EDIL3: variants seen among roughly 807,000 people sequenced by gnomAD.
EDIL3 encodes EGF-like repeat and discoidin I-like domain-containing protein 3.
Under a neutral mutation model 67.4 loss-of-function variants are expected in EDIL3, and 37 were observed. The ratio of observed to expected loss-of-function variants is 0.55; its 90% confidence interval spans 0.42 to 0.72. The LOEUF (loss-of-function observed/expected upper bound fraction) is 0.72. EDIL3 is among the 30% of genes least tolerant of loss of function. The pLI is 0.00. For missense variants in EDIL3, 527 were observed against 586.3 expected (o/e 0.90, Z 1.04); for synonymous variants, 195 against 196.3 (o/e 0.99, Z 0.05).
At chr5:84,141,831 G>T in intron 4 of EDIL3, among the ~76,000 whole-genome samples, 1 of 146,546 alleles carries the variant, frequency 6.8e-6, no homozygotes. Context: ...CTTTGGCTTG[G>T]GTTTTTTCCT....
In EDIL3 at chr5:84,132,501, T is replaced by A. The variant is rs185356744; in HGVS notation, c.469+4740A>T. 7.1e-3 allele frequency among the ~76,000 whole-genome samples: 529 copies of A among 74,576 alleles called. 36 individuals carry two copies. The highest frequency in any genetic ancestry group is 0.027 in the African/African-American group (509 of 18,652). The allele number at this position is 74,576 out of a possible 152,430, so 48.9% of individuals were successfully genotyped here. On this transcript the variant is annotated intron_variant, in intron 5 of 10. Transcript: ENST00000296591. ...ATATTTTAATATATATTATATATTT[T>A]ATATATAATATATATTTTAATATAT...
chr5:83,954,091 AG>A (rs1343449897), intron 10 of EDIL3, among the ~76,000 whole-genome samples: 1 of 151,800 alleles, frequency 6.6e-6, no homozygotes, highest in Non-Finnish European at 1.5e-5. Flanking sequence ...GAAACTGTTA[AG>A]GGGGAGACTT....
At chr5:84,011,139 C>A (rs1002577133) in intron 9 of EDIL3, among the ~76,000 whole-genome samples, 5 of 152,108 alleles carry the variant, frequency 3.3e-5, no homozygotes, top group Non-Finnish European at 7.4e-5. Flanking sequence ...GTTTCCATAT[C>A]CTTCTCTGTT....
intron 9 of EDIL3, among the ~76,000 whole-genome samples, chr5:84,050,982 G>C (rs1746325413): frequency 6.6e-6 from 1 of 152,196 alleles, no homozygotes; most frequent in South Asian, 2.1e-4. Context: ...TCCCAGCATG[G>C]ACTTTGAGAT....
At chr5:84,330,227 C>G (rs899762675) in intron 1 of EDIL3, among the ~76,000 whole-genome samples, 21 of 152,088 alleles carry the variant, frequency 1.4e-4, no homozygotes, top group African/African-American at 5.1e-4. Flanking sequence ...GTTGCTTTCT[C>G]CTTTCAATGT....
chr5:84,009,449 T>C (rs891253764), intron 9 of EDIL3, among the ~76,000 whole-genome samples: 8 of 152,164 alleles, frequency 5.3e-5, no homozygotes, highest in Non-Finnish European at 1.0e-4. Context: ...TGGGACTTAG[T>C]AAGCCTTTGT....
chr5:84,051,248 G>A (rs572848641), intron 9 of EDIL3, among the ~76,000 whole-genome samples: 1 of 152,220 alleles, frequency 6.6e-6, no homozygotes, highest in Non-Finnish European at 1.5e-5. Flanking sequence ...CTGCAGCTGA[G>A]GGTCCTGAAT....
intron 10 of EDIL3, among the ~76,000 whole-genome samples, chr5:83,961,057 A>C (rs1744598267): frequency 6.6e-6 from 1 of 151,120 alleles, no homozygotes. Context: ...TCATAAAAAG[A>C]AAGCTGGAGT....
rs572816278 is a variant in EDIL3, at chr5:84,186,261, A to T, written c.227-5740T>A. On this transcript the variant is annotated intron_variant, in intron 3 of 10. Coordinates refer to ENST00000296591, the MANE Select transcript of EDIL3 (RefSeq NM_005711.5). Reference sequence around the variant, plus strand: ...ATAAGTAATAATAATCACCTAGAGCATATAGTGTTGCTTATACTGGGAGGA... The same window carrying T: ...ATAAGTAATAATAATCACCTAGAGCTTATAGTGTTGCTTATACTGGGAGGA... 5.3e-5 allele frequency among the ~76,000 whole-genome samples: 8 copies of T among 152,240 alleles called. No individual in the cohort carries two copies. In the South Asian group the frequency reaches 1.7e-3, roughly 32 times the overall value.
intron 1 of EDIL3, among the ~76,000 whole-genome samples, chr5:84,344,983 G>A (rs568695472): frequency 1.2e-3 from 181 of 152,174 alleles, no homozygotes; most frequent in African/African-American, 4.2e-3. Context: ...TAAAATTCTT[G>A]TAATTGCTTA....
intron 9 of EDIL3, among the ~76,000 whole-genome samples, chr5:84,038,931 A>C (rs769002776): frequency 3.2e-4 from 48 of 152,344 alleles, no homozygotes; most frequent in Non-Finnish European, 4.7e-4. Context: ...CCTTCCAGGC[A>C]CATGCAGCAT....
intron 4 of EDIL3, among the ~76,000 whole-genome samples, chr5:84,179,341 G>A (rs1748975174): frequency 6.6e-6 from 1 of 152,148 alleles, no homozygotes; most frequent in South Asian, 2.1e-4. Context: ...TTGCTTTGTT[G>A]GTGATCTGAG....
chr5:84,176,947 G>A (rs1748928359), intron 4 of EDIL3, among the ~76,000 whole-genome samples: 2 of 152,050 alleles, frequency 1.3e-5, no homozygotes, highest in South Asian at 4.1e-4. Flanking sequence ...AACACAACGA[G>A]TGCTGGTAAG....
chr5:83,953,825 G>A (rs902301785), intron 10 of EDIL3, among the ~76,000 whole-genome samples: 1 of 151,720 alleles, frequency 6.6e-6, no homozygotes, highest in African/African-American at 2.4e-5. Context: ...TGTAATAAGT[G>A]TCCCCACACG....
At chr5:84,227,481 A>C (rs573822121) in intron 3 of EDIL3, among the ~76,000 whole-genome samples, 3 of 152,250 alleles carry the variant, frequency 2.0e-5, no homozygotes, top group Non-Finnish European at 4.4e-5. Context: ...TGTTGGTGGG[A>C]ATGTAAACTA....
chr5:84,103,610 GA>G (rs1247096646), intron 6 of EDIL3, among the ~76,000 whole-genome samples: 3 of 151,744 alleles, frequency 2.0e-5, no homozygotes, highest in African/African-American at 4.8e-5. Flanking sequence ...ACAATCATAG[GA>G]AAAAAACCCT....
intron 3 of EDIL3, among the ~76,000 whole-genome samples, chr5:84,201,327 G>A (rs1325604151): frequency 1.3e-5 from 2 of 152,048 alleles, no homozygotes; most frequent in Non-Finnish European, 2.9e-5. Context: ...GATGCCTCTA[G>A]TTTAGGATTG....
chr5:84,173,767 G>T (rs759667379), intron 4 of EDIL3, among the ~76,000 whole-genome samples: 1 of 152,186 alleles, frequency 6.6e-6, no homozygotes, highest in Admixed American at 6.5e-5. Context: ...GAGTGTTGCT[G>T]CAAGATAGCC....
chr5:84,043,721 T>A (rs374062014), intron 9 of EDIL3, among the ~76,000 whole-genome samples: 1 of 152,252 alleles, frequency 6.6e-6, no homozygotes, highest in African/African-American at 2.4e-5. Context: ...TTTATACAAA[T>A]AATATGTACA....
Sources: allele counts gnomAD v4.1 joint callset (sites outside exome capture counted in the v4.1 genomes callset), GRCh38; gene constraint gnomAD v4.1.1; transcripts MANE v1.5; gene names NCBI Gene and HGNC (gene_info 2026-07-23, HGNC 2026-07-21).